KBTBD3: variants seen among roughly 807,000 people sequenced by gnomAD.
The protein encoded by KBTBD3 is kelch repeat and BTB domain containing 3.
Under a neutral mutation model 49.6 loss-of-function variants are expected in KBTBD3, and 38 were observed. The observed-to-expected ratio is 0.77, with a 90% CI of 0.59 to 1.00. KBTBD3 has a LOEUF of 1.00. KBTBD3 is among the 50% of genes least tolerant of loss of function. KBTBD3 has a pLI of 0.00. For missense variants in KBTBD3, 661 were observed against 712.0 expected (o/e 0.93, Z 0.81); for synonymous variants, 214 against 250.4 (o/e 0.85, Z 1.37).
At position 106,053,060 on chromosome 11, in the gene KBTBD3, A is replaced by T; in HGVS notation, c.1629T>A (p.Asn543Lys). ...GEGSFECAGFNAGAIGIEDKI... is the reference protein window; with the variant it reads ...GEGSFECAGFKAGAIGIEDKI... ...TATCTTCAATTCCAATTGCACCTGC[A>T]TTAAAGCCTGCACACTCAAAAGATC... Residue 543 changes from asparagine to lysine, a missense_variant, in exon 4 of 4, where the codon AAT becomes AAA. Asn to Lys is a moderately conservative substitution (Grantham distance 94). Coordinates refer to ENST00000531837, the MANE Select transcript of KBTBD3 (RefSeq NM_198439.3). 6.2e-7 allele frequency: 1 copy of T among 1,613,742 alleles called. No homozygotes were observed. The highest frequency in any genetic ancestry group is 8.5e-7 in the Non-Finnish European group (1 of 1,179,774).
intron 2 of KBTBD3, among the ~76,000 whole-genome samples, chr11:106,061,504 G>A (rs955083668): frequency 6.6e-6 from 1 of 152,174 alleles, no homozygotes; most frequent in Non-Finnish European, 1.5e-5. Context: ...CTGTGAGAGT[G>A]TTCTAGATGA....
intron 3 of KBTBD3, 81 bp downstream of exon 3, chr11:106,058,784 T>G: frequency 1.3e-6 from 1 of 783,348 alleles, no homozygotes; most frequent in Non-Finnish European, 2.1e-6. Flanking sequence ...CATGTTCTTG[T>G]GGGGAAAAAC....
chr11:106,066,478 C>A (rs903205864), intron 2 of KBTBD3, among the ~76,000 whole-genome samples: 2 of 152,120 alleles, frequency 1.3e-5, no homozygotes, highest in Non-Finnish European at 2.9e-5. Flanking sequence ...GCTTATTCCA[C>A]TAAATGTCCA....
intron 2 of KBTBD3, among the ~76,000 whole-genome samples, chr11:106,063,120 C>T (rs1184714083): frequency 6.6e-6 from 1 of 152,234 alleles, no homozygotes; most frequent in Non-Finnish European, 1.5e-5. Context: ...AGCCAGCCCT[C>T]TTATGTAAGA....
At chr11:106,056,808 C>A (rs1427864009) in intron 3 of KBTBD3, among the ~76,000 whole-genome samples, 1 of 152,070 alleles carries the variant, frequency 6.6e-6, no homozygotes, top group Non-Finnish European at 1.5e-5. Context: ...CACTACTTAA[C>A]CACTGTACCA....
chr11:106,061,452 A>G (rs1860694270), intron 2 of KBTBD3, among the ~76,000 whole-genome samples: 1 of 152,216 alleles, frequency 6.6e-6, no homozygotes, highest in South Asian at 2.1e-4. Context: ...TTTGGGACAC[A>G]GAGTGCCCAC....
Position 106,059,082 on chromosome 11 carries a change from C to T in KBTBD3, c.16G>A (p.Asp6Asn), listed in dbSNP as rs749123335. Residue 6 changes from aspartate to asparagine, a missense_variant, in exon 3 of 4, where the codon GAT (aspartate) becomes AAT (asparagine). By Grantham distance (23) the Asp-to-Asn change is conservative. Transcript: ENST00000531837. ...CGTTGATTGAAAGCATATGAATTAT[C>T]CATAGCCAATTCCATATGTCCTTAG... MELAM[D>N]NSYAFNQRST... The T allele has an allele frequency of 1.9e-5, 30 of 1,549,440 alleles. No individual in the cohort carries two copies. In the Admixed American group the frequency reaches 6.4e-4, roughly 33 times the overall value.
At chr11:106,067,124 G>A (rs889361281) in intron 2 of KBTBD3, among the ~76,000 whole-genome samples, 2 of 152,038 alleles carry the variant, frequency 1.3e-5, no homozygotes, top group African/African-American at 4.8e-5. Flanking sequence ...CAAGACAAAA[G>A]TTTTAAGGAA....
chr11:106,062,371 T>A (rs1860719173), intron 2 of KBTBD3, among the ~76,000 whole-genome samples: 1 of 151,828 alleles, frequency 6.6e-6, no homozygotes, highest in Non-Finnish European at 1.5e-5. Context: ...TAATAGAGGC[T>A]AAGAAGTCCC....
At chr11:106,060,113 T>C (rs1219979546) in intron 2 of KBTBD3, among the ~76,000 whole-genome samples, 2 of 151,216 alleles carry the variant, frequency 1.3e-5, no homozygotes, top group Non-Finnish European at 2.9e-5. Context: ...ATGATTCAGC[T>C]GGGACGGCTA....
chr11:106,069,584 T>C (rs1417061944), intron 2 of KBTBD3, among the ~76,000 whole-genome samples: 2 of 148,752 alleles, frequency 1.3e-5, no homozygotes, highest in African/African-American at 4.9e-5. Flanking sequence ...TGCTGAAAAA[T>C]ATAAAATGCT....
At chr11:106,069,765 G>A (rs568466613) in intron 2 of KBTBD3, among the ~76,000 whole-genome samples, 32 of 151,988 alleles carry the variant, frequency 2.1e-4, no homozygotes, top group African/African-American at 7.7e-4. Context: ...TGAGATTACT[G>A]TAAAATTTAT....
chr11:106,057,911 C>T (rs1860587033), intron 3 of KBTBD3: 1 of 392,668 alleles, frequency 2.5e-6, no homozygotes, highest in East Asian at 3.6e-5. Flanking sequence ...TTTGTTCAAC[C>T]TGTCGTCTTC....
chr11:106,058,518 G>C (rs936227256), intron 3 of KBTBD3, among the ~76,000 whole-genome samples: 3 of 151,964 alleles, frequency 2.0e-5, no homozygotes, highest in African/African-American at 7.2e-5. Context: ...CAGCCTCCTG[G>C]GTTCAAGCGA....
rs186037316 is a variant in KBTBD3 at position 106,064,483 on chromosome 11, G to A, written c.-12-5374C>T. Among the ~76,000 whole-genome samples, 7 of 151,718 alleles carry A rather than the reference G, an allele frequency of 4.6e-5. No individual in the cohort carries two copies. The East Asian group carries it at 1.4e-3, about 29-fold the overall frequency. On this transcript the variant is annotated intron_variant, in intron 2 of 3. Coordinates refer to ENST00000531837, the MANE Select transcript of KBTBD3 (RefSeq NM_198439.3). ...CGCTTGAGCCTGGGAGGCAGAGGTT[G>A]CAGTGGGCCAAGATCATGCCATTGC...
rs202095966 is a variant in KBTBD3, at chr11:106,053,482, C to T, written c.1207G>A (p.Asp403Asn). ...TTTCCACCTATGACAAATAATCTAT[C>T]GAGAGCCATAACTGATGTATGCATG... is the stretch of plus-strand genomic sequence containing the variant. Reference protein sequence around the residue: ...RTMHTSVMALDRLFVIGGKTR... With the variant: ...RTMHTSVMALNRLFVIGGKTR... Residue 403 changes from aspartate (D) to asparagine (N), a missense_variant, in exon 4 of 4, where the codon GAT becomes AAT. Physicochemically the swap from Asp to Asn is conservative, Grantham distance 23. Coordinates refer to ENST00000531837, the MANE Select transcript of KBTBD3 (RefSeq NM_198439.3). 1.1e-4 allele frequency: 174 copies of T among 1,613,564 alleles called. No individual in the cohort carries two copies. Among genetic ancestry groups the T allele is most frequent in the Non-Finnish European group, 1.4e-4 (165 of 1,179,840 alleles).
chr11:106,054,523 T>C, intron 3 of KBTBD3, 68 bp from the exon 4 acceptor site: 1 of 1,239,520 alleles, frequency 8.1e-7, no homozygotes, highest in Non-Finnish European at 1.1e-6. Flanking sequence ...CAATATTACC[T>C]TAAAGAGGTT....
At chr11:106,072,258 G>T (rs1375205521) in intron 2 of KBTBD3, among the ~76,000 whole-genome samples, 2 of 152,154 alleles carry the variant, frequency 1.3e-5, no homozygotes, top group Non-Finnish European at 2.9e-5. Flanking sequence ...ACTCTGAGTT[G>T]AAAATCAATG....
chr11:106,064,807 G>A (rs1860773143), intron 2 of KBTBD3, among the ~76,000 whole-genome samples: 1 of 151,682 alleles, frequency 6.6e-6, no homozygotes, highest in Admixed American at 6.6e-5. Context: ...TCTATGGCCT[G>A]TCTAAAATAA....
Sources: allele counts gnomAD v4.1 joint callset (sites outside exome capture counted in the v4.1 genomes callset), GRCh38; gene constraint gnomAD v4.1.1; transcripts MANE v1.5; gene names NCBI Gene and HGNC (gene_info 2026-07-23, HGNC 2026-07-21).